DPH6: variants seen among roughly 807,000 people sequenced by gnomAD.
DPH6 encodes the protein diphthine--ammonia ligase.
Under a neutral mutation model 38.2 loss-of-function variants are expected in DPH6, and 33 were observed. The observed-to-expected ratio is 0.86, with a 90% CI of 0.65 to 1.15. DPH6 has a LOEUF of 1.15. Ranked by LOEUF, DPH6 falls within the 50% of genes most tolerant of loss-of-function variation. The probability of loss-of-function intolerance (pLI) is 0.00; values close to 1 mark genes in which losing one functional copy is unlikely to be tolerated. For synonymous variants in DPH6, 108 were observed against 103.0 expected (o/e 1.05, Z -0.30); for missense variants, 325 against 320.0 (o/e 1.02, Z -0.12).
rs76541057 is a variant in DPH6 at position 35,534,511 on chromosome 15, C to T, written c.312+3763G>A. Among the ~76,000 whole-genome samples the T allele has an allele frequency of 9.1e-3, 1,361 of 150,188 alleles. 24 individuals are homozygous for T. Among genetic ancestry groups the T allele is most frequent in the African/African-American group, 0.031 (1,284 of 40,870 alleles). On this transcript the variant is annotated intron_variant, in intron 3 of 8. Coordinates refer to ENST00000256538, the MANE Select transcript of DPH6 (RefSeq NM_080650.4). ...AGAAAAATAAGTTGTTATTAAAAAA[C>T]AATGGACAAACAAGAAAAGTTCTTG... is the stretch of plus-strand genomic sequence containing the variant.
chr15:35,334,417 C>T (rs1254033830), intron 3 of DPH6, among the ~76,000 whole-genome samples: 1 of 151,808 alleles, frequency 6.6e-6, no homozygotes, highest in East Asian at 1.9e-4. Context: ...ATTTTAAGTT[C>T]AGGGGTAAAT....
At chr15:35,340,909 T>A (rs1299405392) in intron 3 of DPH6, among the ~76,000 whole-genome samples, 1 of 152,168 alleles carries the variant, frequency 6.6e-6, no homozygotes, top group Non-Finnish European at 1.5e-5. Flanking sequence ...ATTTCCTGAA[T>A]TTGAATGTTG....
At chr15:35,159,367 A>G in the DPH6 span, among the ~76,000 whole-genome samples, 1 of 151,862 alleles carries the variant, frequency 6.6e-6, no homozygotes, top group Non-Finnish European at 1.5e-5. Context: ...CTACTTTTCT[A>G]CTGAATCAGC....
chr15:35,332,310 A>G (rs568200881), intron 3 of DPH6, among the ~76,000 whole-genome samples: 1 of 152,218 alleles, frequency 6.6e-6, no homozygotes. Context: ...GATAAATTTG[A>G]AAGTTAAAAA....
At chr15:35,489,273 T>G (rs1025493893) in intron 3 of DPH6, 1 of 940,406 alleles carries the variant, frequency 1.1e-6, no homozygotes, top group Non-Finnish European at 1.3e-6. Context: ...TGGGAAAACC[T>G]GTCTATTCAA....
chr15:35,220,818 A>C (rs1285763210), intron 3 of DPH6, among the ~76,000 whole-genome samples: 1 of 152,154 alleles, frequency 6.6e-6, no homozygotes, highest in Non-Finnish European at 1.5e-5. Context: ...TATTGAAAAA[A>C]AAATTTTTTT....
At chr15:35,377,874 T>C (rs1476122074) in intron 7 of DPH6, among the ~76,000 whole-genome samples, 1 of 151,632 alleles carries the variant, frequency 6.6e-6, no homozygotes, top group East Asian at 1.9e-4. Flanking sequence ...TTATTCATAT[T>C]GTTTTTTTTT....
intron 3 of DPH6, chr15:35,299,541 C>A (rs368520968): frequency 1.8e-6 from 1 of 561,524 alleles, no homozygotes; most frequent in South Asian, 1.9e-5. Context: ...GCGGCACCAC[C>A]CTCCGCTGAG....
At chr15:35,364,638 T>C (rs1204043731) in intron 3 of DPH6, among the ~76,000 whole-genome samples, 1 of 152,108 alleles carries the variant, frequency 6.6e-6, no homozygotes, top group African/African-American at 2.4e-5. Context: ...TCTTCAATAT[T>C]TCCATTCTAA....
intron 6 of DPH6, among the ~76,000 whole-genome samples, chr15:35,393,357 C>T (rs1011048969): frequency 2.6e-5 from 4 of 151,818 alleles, no homozygotes; most frequent in Admixed American, 6.6e-5. Context: ...TTATGACAAA[C>T]GATGAATTAG....
downstream of DPH6, among the ~76,000 whole-genome samples, chr15:35,216,811 A>G (rs941698211): frequency 1.3e-5 from 2 of 152,216 alleles, no homozygotes; most frequent in African/African-American, 4.8e-5. Context: ...CAATCAAAAA[A>G]CAAGTTGCTG....
At chr15:35,401,281 G>A (rs1349739970) in intron 6 of DPH6, 11 of 903,864 alleles carry the variant, frequency 1.2e-5, no homozygotes, top group East Asian at 2.4e-5. Flanking sequence ...AGACAGTTTC[G>A]GTGGGAATGA....
chr15:35,367,877 A>G (rs2052674477), downstream of DPH6, among the ~76,000 whole-genome samples: 1 of 151,878 alleles, frequency 6.6e-6, no homozygotes, highest in African/African-American at 2.4e-5. Flanking sequence ...AAAAAAATAG[A>G]ACTCATTAAA....
chr15:35,416,619 C>T (rs974281622), intron 5 of DPH6, among the ~76,000 whole-genome samples: 5 of 152,060 alleles, frequency 3.3e-5, no homozygotes, highest in Non-Finnish European at 7.4e-5. Flanking sequence ...TTCCACTGTA[C>T]TTGATTATAA....
At chr15:35,159,884 GTC>G in the DPH6 span, among the ~76,000 whole-genome samples, 1 of 151,954 alleles carries the variant, frequency 6.6e-6, no homozygotes. Context: ...AAAAAAGAAA[GTC>G]ACATCTTTTG....
At position 35,371,950 on chromosome 15, in the gene DPH6, GTTGGC is replaced by G. The variant is rs1224577369; in HGVS notation, c.*195_*199del. ...AAGAGAAAGAGTGAATTCCAAGAAA[GTTGGC>G]ACTATTAATGAACATGCCGTCGACA... On this transcript the variant is annotated 3_prime_UTR_variant, in exon 9 of 9. Coordinates refer to ENST00000256538, the MANE Select transcript of DPH6 (RefSeq NM_080650.4). 16 of 1,261,998 alleles carry G rather than the reference GTTGGC, an allele frequency of 1.3e-5. No homozygotes were observed. The highest frequency in any genetic ancestry group is 1.6e-5 in the African/African-American group (1 of 63,490). The allele number at this position is 1,261,998 out of a possible 1,614,324, so 78.2% of individuals were successfully genotyped here.
chr15:35,501,606 GTTTC>G (rs1033988157), intron 3 of DPH6, among the ~76,000 whole-genome samples: 3 of 151,976 alleles, frequency 2.0e-5, no homozygotes, highest in African/African-American at 4.8e-5. Flanking sequence ...ACAGTTATTT[GTTTC>G]TTTGTTTTTT....
chr15:35,539,008 T>C (rs990915348), intron 2 of DPH6, among the ~76,000 whole-genome samples: 8 of 152,060 alleles, frequency 5.3e-5, no homozygotes, highest in Non-Finnish European at 7.4e-5. Context: ...ATATTCAATA[T>C]TGTTAGAGCA....
At chr15:35,204,546 G>A in the DPH6 span, among the ~76,000 whole-genome samples, 5 of 151,756 alleles carry the variant, frequency 3.3e-5, no homozygotes, top group Non-Finnish European at 7.4e-5. Flanking sequence ...CTGAGATGTA[G>A]TTTTCATGTC....
Sources: allele counts gnomAD v4.1 joint callset (sites outside exome capture counted in the v4.1 genomes callset), GRCh38; gene constraint gnomAD v4.1.1; transcripts MANE v1.5; gene names NCBI Gene and HGNC (gene_info 2026-07-23, HGNC 2026-07-21).